FBXO17: variants seen among roughly 807,000 people sequenced by gnomAD.
The protein encoded by FBXO17 is F-box only protein 17.
In FBXO17, 43 loss-of-function variants were observed where a neutral mutation model predicts 34.1. The observed-to-expected ratio is 1.26, with a 90% CI of 0.99 to 1.62. The LOEUF is 1.62. FBXO17 is among the 40% of genes most tolerant of loss of function. FBXO17 has a pLI of 0.00. For synonymous variants in FBXO17, 169 were observed against 166.0 expected (o/e 1.02, Z -0.14); for missense variants, 424 against 386.7 (o/e 1.10, Z -0.81).
rs1974927689 is a variant in FBXO17 at position 38,943,625 on chromosome 19, C to T, written c.694-874G>A. 2.0e-5 allele frequency among the ~76,000 whole-genome samples: 3 copies of T among 146,472 alleles called. No individual in the cohort carries two copies. The South Asian group carries it at 6.6e-4, about 32-fold the overall frequency. On this transcript the variant is annotated intron_variant, in intron 5 of 5. Transcript: ENST00000292852. ...TTTATTTTGAGGCCAAGACTCGCTCCATCGCCCAGGCTGGAGTGCAGTGGC... is the reference window on the plus strand; with the variant it reads ...TTTATTTTGAGGCCAAGACTCGCTCTATCGCCCAGGCTGGAGTGCAGTGGC...
At chr19:38,945,136 G>A (rs775376667) in intron 4 of FBXO17, 32 bp from the exon 5 acceptor site, 26 of 1,612,022 alleles carry the variant, frequency 1.6e-5, no homozygotes, top group African/African-American at 4.0e-5. Flanking sequence ...CTATGCCCCC[G>A]TCACCCAGCC....
intron 1 of FBXO17, among the ~76,000 whole-genome samples, chr19:38,967,022 A>G (rs921969564): frequency 2.6e-5 from 4 of 152,232 alleles, no homozygotes; most frequent in African/African-American, 9.6e-5. Context: ...ACCAAAAACT[A>G]TGATTCATAA....
At chr19:38,954,575 T>C (rs1975134649) in intron 1 of FBXO17, among the ~76,000 whole-genome samples, 1 of 115,192 alleles carries the variant, frequency 8.7e-6, no homozygotes, top group African/African-American at 3.3e-5. Flanking sequence ...GGGCCGAGAA[T>C]GTGTTTTTTT....
chr19:38,963,428 GGGACCACA>G (rs1348198152), intron 1 of FBXO17, among the ~76,000 whole-genome samples: 1 of 151,694 alleles, frequency 6.6e-6, no homozygotes, highest in African/African-American at 2.4e-5. Context: ...CCAAGTAGCT[GGGACCACA>G]GGTGCACCCC....
chr19:38,958,827 C>T (rs1009423697), intron 1 of FBXO17, among the ~76,000 whole-genome samples: 4 of 152,176 alleles, frequency 2.6e-5, no homozygotes, highest in East Asian at 3.8e-4. Context: ...CCCCTGGGCA[C>T]GTGCAGGCTT....
chr19:38,967,888 A>C (rs1338636671), intron 1 of FBXO17, among the ~76,000 whole-genome samples: 1 of 152,126 alleles, frequency 6.6e-6, no homozygotes, highest in African/African-American at 2.4e-5. Flanking sequence ...TTAAATTCAC[A>C]ATGAGACACC....
chr19:38,958,406 CA>C (rs61007658), intron 1 of FBXO17, among the ~76,000 whole-genome samples: 1,228 of 98,638 alleles, frequency 0.012, 13 homozygotes, highest in African/African-American at 0.035. Flanking sequence ...GAAACTGTCT[CA>C]AAAAAAAAAA....
chr19:38,944,697 C>T, intron 5 of FBXO17: 1 of 453,758 alleles, frequency 2.2e-6, no homozygotes, highest in Non-Finnish European at 3.9e-6. Context: ...TAGGATTTTG[C>T]TTCACTGCTG....
chr19:38,946,895 G>A, intron 3 of FBXO17: 1 of 278,788 alleles, frequency 3.6e-6, no homozygotes, highest in Admixed American at 4.8e-5. Flanking sequence ...CCTAAAGTGT[G>A]AGGGCCCCGG....
rs1011437719 is a variant in FBXO17, at chr19:38,974,196, C to A, written c.-18+1390G>T. Among the ~76,000 whole-genome samples, 5 of 151,544 alleles carry A rather than the reference C, an allele frequency of 3.3e-5. No homozygotes were observed. In the East Asian group the frequency reaches 7.8e-4, roughly 24 times the overall value. On this transcript the variant is annotated intron_variant, in intron 1 of 5. Coordinates refer to ENST00000292852, the MANE Select transcript of FBXO17 (RefSeq NM_024907.7). ...TCCAGGGTTCAAGCGATTCTCCTTC[C>A]TCAGCCTCCTGAGTAGCTGGGATTA... is the stretch of plus-strand genomic sequence containing the variant.
chr19:38,950,350 G>A lies in FBXO17; in HGVS notation c.-17-14C>T. The stretch of plus-strand genomic sequence containing the variant: ...GTAGCCAGAGTCCTGCAGGTCGAGA[G>A]GGGTCGGTAGGCGGGTCAGCGCAGC... On this transcript the variant is annotated splice_polypyrimidine_tract_variant and intron_variant, in intron 1 of 5. Transcript: ENST00000292852. 7.1e-7 allele frequency: 1 copy of A among 1,401,376 alleles called. No individual in the cohort carries two copies. 86.8% of individuals were successfully genotyped at this position (1,401,376 alleles called of 1,614,324 possible). A position where few individuals can be genotyped will look rare whatever the true frequency, so the allele number is the denominator to read the frequency against.
intron 5 of FBXO17, among the ~76,000 whole-genome samples, chr19:38,943,094 C>T (rs796659032): frequency 2.0e-5 from 3 of 152,096 alleles, no homozygotes; most frequent in South Asian, 2.1e-4. Flanking sequence ...GCAGCAGGAA[C>T]GGCCCGCGCA....
Position 38,950,260 on chromosome 19 carries a change from C to T in FBXO17, c.60G>A (p.Ala20=), listed in dbSNP as rs1568439965. The change falls in exon 2 of 6, where the codon GCG becomes GCA. Residue 20 remains alanine, a synonymous_variant. Transcript: ENST00000292852. ...CCTGCACCAGCAGCTCCGGGGGCAG[C>T]GCGTCCAGGGCCAGGGATGGGTCCG... ...LPADPSLALD[A]LPPELLVQVL... 3 of 1,505,214 alleles carry T rather than the reference C, an allele frequency of 2.0e-6. No individual in the cohort carries two copies. The highest frequency in any genetic ancestry group is 8.8e-7 in the Non-Finnish European group (1 of 1,134,722). 93.2% of individuals were successfully genotyped at this position (1,505,214 alleles called of 1,614,324 possible).
chr19:38,967,191 C>T (rs946996299), intron 1 of FBXO17, among the ~76,000 whole-genome samples: 11 of 152,226 alleles, frequency 7.2e-5, no homozygotes, highest in Admixed American at 6.5e-4. Context: ...GGCACAGTGG[C>T]TCACGCCTGT....
At chr19:38,966,211 C>T (rs1365599636) in intron 1 of FBXO17, among the ~76,000 whole-genome samples, 3 of 151,912 alleles carry the variant, frequency 2.0e-5, no homozygotes, top group Non-Finnish European at 4.4e-5. Flanking sequence ...CTCAGGTGAT[C>T]CACCCACCTC....
chr19:38,957,335 G>T (rs917714476), intron 1 of FBXO17, among the ~76,000 whole-genome samples: 1 of 152,058 alleles, frequency 6.6e-6, no homozygotes, highest in Non-Finnish European at 1.5e-5. Flanking sequence ...GGAGTTCTTA[G>T]TTCCCACTCT....
At chr19:38,961,244 T>C (rs1454227934) in intron 1 of FBXO17, among the ~76,000 whole-genome samples, 4 of 151,682 alleles carry the variant, frequency 2.6e-5, no homozygotes, top group Non-Finnish European at 5.9e-5. Flanking sequence ...ATTGTATCTG[T>C]TTAAAATGTA....
At chr19:38,959,084 T>C (rs1294920896) in intron 1 of FBXO17, among the ~76,000 whole-genome samples, 1 of 151,608 alleles carries the variant, frequency 6.6e-6, no homozygotes, top group East Asian at 1.9e-4. Context: ...GTTTTATATT[T>C]TTTTTTTCTA....
intron 1 of FBXO17, among the ~76,000 whole-genome samples, chr19:38,953,471 T>G (rs187379474): frequency 6.6e-6 from 1 of 152,054 alleles, no homozygotes; most frequent in Non-Finnish European, 1.5e-5. Flanking sequence ...GAGACCAGCC[T>G]GGCTAACATA....
Sources: allele counts gnomAD v4.1 joint callset (sites outside exome capture counted in the v4.1 genomes callset), GRCh38; gene constraint gnomAD v4.1.1; transcripts MANE v1.5; gene names NCBI Gene and HGNC (gene_info 2026-07-23, HGNC 2026-07-21).